QTMAN: variants seen among roughly 807,000 people sequenced by gnomAD.
The protein encoded by QTMAN is queuosine-tRNA mannosyltransferase.
chr2:143,960,134 G>C, the QTMAN span, among the ~76,000 whole-genome samples: 8 of 152,050 alleles, frequency 5.3e-5, no homozygotes, highest in Admixed American at 1.3e-4. Flanking sequence ...TGAAAACACA[G>C]CTGTACTAGG....
the QTMAN span, among the ~76,000 whole-genome samples, chr2:144,209,170 A>T: frequency 6.6e-6 from 1 of 152,204 alleles, no homozygotes; most frequent in African/African-American, 2.4e-5. Context: ...CTCAGAAACT[A>T]CTTGACTTAG....
chr2:144,311,342 AG>A, the QTMAN span, among the ~76,000 whole-genome samples: 2 of 152,226 alleles, frequency 1.3e-5, no homozygotes, highest in Non-Finnish European at 2.9e-5. Flanking sequence ...GGAAAGTAAT[AG>A]GCTTTGTGAT....
chr2:144,153,965 AAG>A, the QTMAN span, among the ~76,000 whole-genome samples: 1 of 152,180 alleles, frequency 6.6e-6, no homozygotes, highest in African/African-American at 2.4e-5. Context: ...AGCAGTTACT[AAG>A]AGGTAAAGAT....
the QTMAN span, among the ~76,000 whole-genome samples, chr2:144,264,451 T>C: frequency 6.6e-6 from 1 of 152,200 alleles, no homozygotes; most frequent in Non-Finnish European, 1.5e-5. Context: ...CATGCCCTGA[T>C]TTTGGTCCCA....
the QTMAN span, among the ~76,000 whole-genome samples, chr2:144,191,838 C>T: frequency 6.6e-6 from 1 of 152,150 alleles, no homozygotes; most frequent in Non-Finnish European, 1.5e-5. Flanking sequence ...GCTCAAGAAT[C>T]CATAAGTTAA....
chr2:144,010,073 A>C, the QTMAN span, among the ~76,000 whole-genome samples: 1 of 150,938 alleles, frequency 6.6e-6, no homozygotes, highest in Non-Finnish European at 1.5e-5. Flanking sequence ...AAAAAAAAAA[A>C]AAAAAGAAAA....
the QTMAN span, among the ~76,000 whole-genome samples, chr2:144,145,026 G>A: frequency 6.7e-6 from 1 of 150,004 alleles, no homozygotes; most frequent in South Asian, 2.1e-4. Flanking sequence ...TTAAGGCTGT[G>A]CCATTTCAGA....
the QTMAN span, among the ~76,000 whole-genome samples, chr2:143,947,660 T>C: frequency 2.6e-4 from 40 of 152,328 alleles, no homozygotes; most frequent in East Asian, 4.6e-3. Context: ...TAAAAAAATA[T>C]TCTTCCAGGT....
At chr2:144,141,912 T>A in the QTMAN span, 1 of 1,611,374 alleles carries the variant, frequency 6.2e-7, no homozygotes, top group South Asian at 1.1e-5. Flanking sequence ...GATGGGAAAG[T>A]AAATAACTTG....
At chr2:144,217,156 C>A in the QTMAN span, among the ~76,000 whole-genome samples, 5 of 152,108 alleles carry the variant, frequency 3.3e-5, no homozygotes, top group Admixed American at 6.6e-5. Context: ...AATGCCCAAG[C>A]AGAGAAGTCA....
chr2:144,256,532 G>A, the QTMAN span, among the ~76,000 whole-genome samples: 1 of 152,142 alleles, frequency 6.6e-6, no homozygotes. Context: ...AAAAAAGAAT[G>A]AGTTCATGTC....
At chr2:144,101,921 C>T in the QTMAN span, among the ~76,000 whole-genome samples, 6,915 of 152,154 alleles carry the variant, frequency 0.045, 520 homozygotes, top group African/African-American at 0.16. Flanking sequence ...GTTTATGGCA[C>T]CCCACCAGAC....
chr2:144,065,454 T>C, the QTMAN span, among the ~76,000 whole-genome samples: 4 of 152,332 alleles, frequency 2.6e-5, no homozygotes, highest in Non-Finnish European at 5.9e-5. Flanking sequence ...CAGATACATG[T>C]AGGAGATTTT....
At chr2:144,120,680 G>A in the QTMAN span, among the ~76,000 whole-genome samples, 2 of 151,998 alleles carry the variant, frequency 1.3e-5, no homozygotes, top group African/African-American at 4.8e-5. Context: ...AAGGGATTTC[G>A]GTAAGAACTG....
At chr2:144,220,544 G>T in the QTMAN span, among the ~76,000 whole-genome samples, 8 of 152,278 alleles carry the variant, frequency 5.3e-5, no homozygotes, top group African/African-American at 1.9e-4. Flanking sequence ...AGACCCTATA[G>T]CCAGAGTATT....
At chr2:144,138,137 A>G in the QTMAN span, among the ~76,000 whole-genome samples, 1 of 152,088 alleles carries the variant, frequency 6.6e-6, no homozygotes, top group African/African-American at 2.4e-5. Flanking sequence ...CCTGAGAAGC[A>G]GCAGTCTGTG....
the QTMAN span, among the ~76,000 whole-genome samples, chr2:144,139,678 A>T: frequency 6.6e-6 from 1 of 152,076 alleles, no homozygotes. Context: ...GCAGGAGATA[A>T]GTGAGGAAGG....
the QTMAN span, among the ~76,000 whole-genome samples, chr2:143,975,650 T>C: frequency 1.3e-5 from 2 of 152,218 alleles, no homozygotes; most frequent in African/African-American, 2.4e-5. Flanking sequence ...GAGTGATGTA[T>C]GCCACTTTCA....
the QTMAN span, among the ~76,000 whole-genome samples, chr2:143,979,697 A>G: frequency 2.0e-5 from 3 of 152,224 alleles, no homozygotes; most frequent in African/African-American, 7.2e-5. Flanking sequence ...ATATAACAGA[A>G]CATCTATCTA....
Sources: allele counts gnomAD v4.1 joint callset (sites outside exome capture counted in the v4.1 genomes callset), GRCh38; gene constraint gnomAD v4.1.1; transcripts MANE v1.5; gene names NCBI Gene and HGNC (gene_info 2026-07-23, HGNC 2026-07-21).